Variants in ERC1 observed in about 807,000 individuals in gnomAD.
ERC1 encodes the protein ELKS/RAB6-interacting/CAST family member 1.
A neutral mutation model predicts 132.0 loss-of-function variants in ERC1; 56 were observed. That is an observed-to-expected ratio of 0.42 (90% CI 0.34 to 0.53). The LOEUF is 0.53. Ranked by LOEUF, ERC1 falls within the 20% of genes least tolerant of loss-of-function variation. ERC1 has a pLI of 0.03. For synonymous variants in ERC1, 478 were observed against 476.1 expected (o/e 1.00, Z -0.05); for missense variants, 1,202 against 1,349.9 (o/e 0.89, Z 1.72).
In ERC1 at chr12:1,375,975, A is replaced by G. The variant is rs577615857; in HGVS notation, c.2925+3998A>G. Among the ~76,000 whole-genome samples the G allele has an allele frequency of 2.0e-5, 3 of 152,106 alleles. No individual in the cohort carries two copies. In the East Asian group the frequency reaches 5.8e-4, roughly 29 times the overall value. On this transcript the variant is annotated intron_variant, in intron 16 of 18. Transcript: ENST00000360905. The stretch of plus-strand genomic sequence containing the variant: ...CTGATCTTGAGCTCCAGACCTCGTG[A>G]TCCACCTGTGTTTGCCTCCCAAAGT...
At chr12:1,467,206 G>C (rs1404672707) in intron 18 of ERC1, among the ~76,000 whole-genome samples, 1 of 152,230 alleles carries the variant, frequency 6.6e-6, no homozygotes, top group East Asian at 1.9e-4. Context: ...TAACAGAAAA[G>C]TGTGATGGGA....
rs1232957349 is a variant in ERC1, at chr12:1,004,113, CAG to C, written c.-157+12792_-157+12793del. On this transcript the variant is annotated intron_variant, in intron 1 of 18. Coordinates refer to ENST00000360905, the MANE Select transcript of ERC1 (RefSeq NM_178040.4). ...ACCATCTCCTGTTATGGGAGGATCA[CAG>C]GGCATTCCTCCAAGACTCAGATAAG... Among the ~76,000 whole-genome samples the C allele has an allele frequency of 2.0e-5, 3 of 152,266 alleles. No homozygotes were observed. The East Asian group carries it at 5.8e-4, about 29-fold the overall frequency.
At chr12:1,177,053 A>G (rs972705492) in intron 8 of ERC1, among the ~76,000 whole-genome samples, 5 of 151,916 alleles carry the variant, frequency 3.3e-5, no homozygotes, top group Admixed American at 6.6e-5. Context: ...CTCATGACCA[A>G]CCTCTGCTAG....
intron 15 of ERC1, among the ~76,000 whole-genome samples, chr12:1,314,829 C>A (rs1172247013): frequency 6.6e-6 from 1 of 152,016 alleles, no homozygotes; most frequent in Admixed American, 6.6e-5. Flanking sequence ...ATTTTTGTTT[C>A]AATCTGTCTG....
chr12:1,368,004 A>C (rs1438213235), intron 15 of ERC1, among the ~76,000 whole-genome samples: 2 of 138,724 alleles, frequency 1.4e-5, no homozygotes, highest in Non-Finnish European at 1.5e-5. Flanking sequence ...CAGAACAAGG[A>C]GAGTAATTTG....
At chr12:1,211,850 G>A (rs1038331532) in intron 12 of ERC1, among the ~76,000 whole-genome samples, 9 of 152,044 alleles carry the variant, frequency 5.9e-5, no homozygotes, top group African/African-American at 2.2e-4. Context: ...GATTACAGGT[G>A]TGAGCCTCTG....
intron 12 of ERC1, among the ~76,000 whole-genome samples, chr12:1,202,426 A>G (rs1392875306): frequency 6.6e-5 from 10 of 151,978 alleles, no homozygotes; most frequent in African/African-American, 2.4e-4. Flanking sequence ...GGGAGGTGAA[A>G]GTGGGTGGAT....
At chr12:1,082,484 AT>A (rs143154890) in intron 2 of ERC1, among the ~76,000 whole-genome samples, 16,375 of 113,344 alleles carry the variant, frequency 0.14, 2,078 homozygotes, top group African/African-American at 0.38. Flanking sequence ...AAAAAAAAAA[AT>A]TTTTTTTTTT....
intron 6 of ERC1, among the ~76,000 whole-genome samples, chr12:1,112,977 A>G (rs1248440756): frequency 1.3e-5 from 2 of 152,112 alleles, no homozygotes; most frequent in Non-Finnish European, 2.9e-5. Flanking sequence ...TTTTCAGGGT[A>G]AAAAAATGGA....
At chr12:1,399,981 A>T (rs2090882255) in intron 16 of ERC1, among the ~76,000 whole-genome samples, 1 of 152,150 alleles carries the variant, frequency 6.6e-6, no homozygotes, top group African/African-American at 2.4e-5. Flanking sequence ...TTGCAAAGAG[A>T]CCTTACCACT....
intron 1 of ERC1, among the ~76,000 whole-genome samples, chr12:1,027,160 G>A (rs1235128279): frequency 1.3e-5 from 2 of 152,146 alleles, no homozygotes. Flanking sequence ...TTGTGAATGG[G>A]ATTTAAAATT....
At chr12:1,005,244 C>T (rs960982221) in intron 1 of ERC1, among the ~76,000 whole-genome samples, 1 of 151,880 alleles carries the variant, frequency 6.6e-6, no homozygotes, top group Non-Finnish European at 1.5e-5. Context: ...CTCGACCTCC[C>T]AGGCTCAAGC....
intron 17 of ERC1, among the ~76,000 whole-genome samples, chr12:1,423,560 A>T (rs1212871264): frequency 1.3e-5 from 2 of 152,218 alleles, no homozygotes; most frequent in Non-Finnish European, 2.9e-5. Flanking sequence ...ATTGTCACAT[A>T]CAGTGTTCTG....
intron 3 of ERC1, among the ~76,000 whole-genome samples, chr12:1,090,989 C>G (rs1943120983): frequency 7.2e-6 from 1 of 138,082 alleles, no homozygotes. Context: ...CCTCCACCTC[C>G]CGGGTTCAAG....
intron 18 of ERC1, among the ~76,000 whole-genome samples, chr12:1,461,266 T>C (rs1204590622): frequency 6.6e-6 from 1 of 152,152 alleles, no homozygotes; most frequent in African/African-American, 2.4e-5. Flanking sequence ...ATATGAGACA[T>C]GTATAACCTG....
intron 4 of ERC1, among the ~76,000 whole-genome samples, chr12:1,106,920 A>T (rs1945328464): frequency 6.6e-6 from 1 of 152,242 alleles, no homozygotes; most frequent in Non-Finnish European, 1.5e-5. Flanking sequence ...AGAGGATGTG[A>T]TGCTGAAATC....
chr12:1,373,757 C>G (rs1387722478), intron 16 of ERC1, among the ~76,000 whole-genome samples: 1 of 151,976 alleles, frequency 6.6e-6, no homozygotes, highest in African/African-American at 2.4e-5. Context: ...TCTAGCCTGA[C>G]AAGAGGACGA....
At chr12:1,338,223 G>T (rs750701838) in intron 15 of ERC1, among the ~76,000 whole-genome samples, 5 of 152,112 alleles carry the variant, frequency 3.3e-5, no homozygotes, top group African/African-American at 4.8e-5. Flanking sequence ...TGGAGGTTTT[G>T]TTTATTCCTT....
chr12:1,325,791 T>C (rs1331188289), intron 15 of ERC1, among the ~76,000 whole-genome samples: 1 of 152,134 alleles, frequency 6.6e-6, no homozygotes, highest in African/African-American at 2.4e-5. Flanking sequence ...ATGAGTATAG[T>C]TTCTCTTTTC....
Sources: gnomAD v4.1 joint callset for allele counts (sites outside exome capture counted in the v4.1 genomes callset) on GRCh38, gnomAD v4.1.1 for gene constraint, MANE v1.5 for transcripts, NCBI Gene and HGNC (gene_info 2026-07-23, HGNC 2026-07-21) for gene names.